Variants in CNTNAP2 observed in about 807,000 individuals in gnomAD.
The protein encoded by CNTNAP2 is contactin associated protein 2.
In CNTNAP2, 98 loss-of-function variants were observed where a neutral mutation model predicts 155.2. The observed-to-expected ratio is 0.63, with a 90% CI of 0.54 to 0.75. CNTNAP2 has a LOEUF of 0.75. Among genes scored for constraint, CNTNAP2 ranks in the 30% least tolerant of loss-of-function variants. CNTNAP2 has a pLI of 0.00. For synonymous variants in CNTNAP2, 651 were observed against 631.2 expected (o/e 1.03, Z -0.47); for missense variants, 1,727 against 1,688.1 (o/e 1.02, Z -0.40).
chr7:146,587,951 G>A (rs919999824), intron 1 of CNTNAP2, among the ~76,000 whole-genome samples: 4 of 151,734 alleles, frequency 2.6e-5, no homozygotes, highest in African/African-American at 9.7e-5. Flanking sequence ...TGGGATTACA[G>A]GTGTGAGCCA....
At chr7:147,364,293 G>A (rs949553667) in intron 9 of CNTNAP2, among the ~76,000 whole-genome samples, 2 of 152,042 alleles carry the variant, frequency 1.3e-5, no homozygotes, top group Non-Finnish European at 2.9e-5. Flanking sequence ...TTCTAGTTTT[G>A]TTATTTCCAT....
intron 13 of CNTNAP2, among the ~76,000 whole-genome samples, chr7:147,768,331 G>A (rs1032210899): frequency 1.3e-5 from 2 of 152,070 alleles, no homozygotes; most frequent in East Asian, 1.9e-4. Flanking sequence ...TTTGTAAATC[G>A]GGAGGAAGTG....
At chr7:147,141,854 C>G (rs981457940) in intron 8 of CNTNAP2, among the ~76,000 whole-genome samples, 2 of 152,034 alleles carry the variant, frequency 1.3e-5, no homozygotes, top group Non-Finnish European at 2.9e-5. Context: ...ATTCTGTCTC[C>G]CATATTATCC....
At chr7:147,501,410 C>G (rs12113038) in intron 11 of CNTNAP2, among the ~76,000 whole-genome samples, 48,337 of 151,836 alleles carry the variant, frequency 0.32, 7,913 homozygotes, top group East Asian at 0.43. Flanking sequence ...AAGAAAAAAA[C>G]ACATCCAAAT....
At chr7:146,775,822 A>G (rs1802381060) in intron 2 of CNTNAP2, among the ~76,000 whole-genome samples, 1 of 152,130 alleles carries the variant, frequency 6.6e-6, no homozygotes, top group South Asian at 2.1e-4. Flanking sequence ...CAGATCTATG[A>G]AGAGGTCTCA....
At chr7:147,902,814 ATGTGTGTG>A (rs71183034) in intron 13 of CNTNAP2, among the ~76,000 whole-genome samples, 34 of 127,398 alleles carry the variant, frequency 2.7e-4, no homozygotes, top group South Asian at 1.0e-3. Context: ...GTGTGTGTGT[ATGTGTGTG>A]TGTGTGTGTG....
intron 14 of CNTNAP2, among the ~76,000 whole-genome samples, chr7:147,907,089 C>T (rs1316781491): frequency 6.6e-6 from 1 of 152,012 alleles, no homozygotes; most frequent in African/African-American, 2.4e-5. Context: ...CGGAGTCTTG[C>T]TCTGTCACCC....
intron 1 of CNTNAP2, among the ~76,000 whole-genome samples, chr7:146,430,155 A>T (rs10234982): frequency 0.077 from 11,619 of 150,738 alleles, 1,316 homozygotes; most frequent in African/African-American, 0.25. Flanking sequence ...ATCGATGTTC[A>T]TCAAGGATAT....
chr7:147,689,850 T>A (rs542588858), intron 13 of CNTNAP2, among the ~76,000 whole-genome samples: 2 of 152,314 alleles, frequency 1.3e-5, no homozygotes, highest in South Asian at 4.1e-4. Flanking sequence ...GGAGACAGTA[T>A]GCAGAAAAGC....
intron 19 of CNTNAP2, among the ~76,000 whole-genome samples, chr7:148,220,319 A>G (rs965336063): frequency 1.3e-5 from 2 of 152,090 alleles, no homozygotes; most frequent in South Asian, 2.1e-4. Flanking sequence ...AGCCAGGATG[A>G]TCTCAATCTC....
chr7:148,218,914 A>G (rs1585195673), intron 19 of CNTNAP2, among the ~76,000 whole-genome samples: 1 of 137,260 alleles, frequency 7.3e-6, no homozygotes, highest in South Asian at 2.4e-4. Flanking sequence ...GAACTCATAT[A>G]CCTTAGAATT....
At chr7:147,623,938 GTA>G (rs201658983) in intron 12 of CNTNAP2, among the ~76,000 whole-genome samples, 2,327 of 151,974 alleles carry the variant, frequency 0.015, 212 homozygotes, top group Admixed American at 0.14. Context: ...GGAACAGAAT[GTA>G]TAACCCAGAA....
At chr7:146,770,595 C>G (rs1256476090) in intron 1 of CNTNAP2, among the ~76,000 whole-genome samples, 1 of 151,582 alleles carries the variant, frequency 6.6e-6, no homozygotes, top group East Asian at 1.9e-4. Flanking sequence ...TTACTAAGCT[C>G]AATTTAATTC....
At chr7:146,814,876 T>C (rs977281973) in intron 2 of CNTNAP2, among the ~76,000 whole-genome samples, 1 of 152,154 alleles carries the variant, frequency 6.6e-6, no homozygotes, top group Non-Finnish European at 1.5e-5. Flanking sequence ...ATAGGAAAAA[T>C]TATGACACAC....
At chr7:148,262,269 T>C (rs574215311) in intron 20 of CNTNAP2, among the ~76,000 whole-genome samples, 3 of 152,308 alleles carry the variant, frequency 2.0e-5, no homozygotes, top group East Asian at 3.9e-4. Flanking sequence ...ACACTAACGT[T>C]GTTATTGAAG....
intron 14 of CNTNAP2, among the ~76,000 whole-genome samples, chr7:147,932,218 C>G (rs1184046504): frequency 6.6e-6 from 1 of 152,128 alleles, no homozygotes; most frequent in Non-Finnish European, 1.5e-5. Flanking sequence ...AAAAACAATT[C>G]CAAAACTCAT....
rs367666608 is a variant in CNTNAP2, at chr7:146,151,729, C to T, written c.97+34756C>T. Among the ~76,000 whole-genome samples, 60 of 112,840 alleles carry T rather than the reference C, an allele frequency of 5.3e-4. No homozygotes were observed. The South Asian group carries it at 6.4e-3, about 12-fold the overall frequency. 74.0% of individuals were successfully genotyped at this position (112,840 alleles called of 152,430 possible). The stretch of plus-strand genomic sequence containing the variant: ...ATATATATATGTATATATATATATG[C>T]GCAATGGAATACTATTCAGCCTTTT... On this transcript the variant is annotated intron_variant, in intron 1 of 23. Coordinates refer to ENST00000361727, the MANE Select transcript of CNTNAP2 (RefSeq NM_014141.6).
chr7:147,364,084 T>C (rs921688883), intron 9 of CNTNAP2, among the ~76,000 whole-genome samples: 1 of 152,194 alleles, frequency 6.6e-6, no homozygotes, highest in Non-Finnish European at 1.5e-5. Context: ...CTTTCCCTTA[T>C]GGTTAACAGA....
At chr7:147,626,539 C>A (rs1215740709) in intron 12 of CNTNAP2, among the ~76,000 whole-genome samples, 1 of 152,064 alleles carries the variant, frequency 6.6e-6, no homozygotes, top group Non-Finnish European at 1.5e-5. Context: ...ATTTCTTTAC[C>A]CACCCTAGTA....
Sources: allele counts gnomAD v4.1 joint callset (sites outside exome capture counted in the v4.1 genomes callset), GRCh38; gene constraint gnomAD v4.1.1; transcripts MANE v1.5; gene names NCBI Gene and HGNC (gene_info 2026-07-23, HGNC 2026-07-21).